Variants in FREM1 observed in about 807,000 individuals in gnomAD.
FREM1 encodes the protein FRAS1-related extracellular matrix protein 1.
A neutral mutation model predicts 210.1 loss-of-function variants in FREM1; 220 were observed. The ratio of observed to expected loss-of-function variants is 1.05; its 90% confidence interval spans 0.94 to 1.17. The LOEUF is 1.17. FREM1 is among the 50% of genes most tolerant of loss of function. The pLI is 0.00. For missense variants in FREM1, 3,454 were observed against 2,675.5 expected, an observed-to-expected ratio of 1.29 and a Z score of -6.42; for synonymous variants, 1,189 against 980.2, an observed-to-expected ratio of 1.21 and a Z score of -3.98.
chr9:14,805,183 A>C, intron 18 of FREM1, 31 bp from the exon 19 acceptor site: 1 of 1,237,614 alleles, frequency 8.1e-7, no homozygotes, highest in South Asian at 2.3e-5. Flanking sequence ...ACAGATAAAT[A>C]AAAAAAAAAT....
At chr9:14,873,077 C>T (rs1430359086) in intron 1 of FREM1, among the ~76,000 whole-genome samples, 4 of 152,078 alleles carry the variant, frequency 2.6e-5, no homozygotes, top group Non-Finnish European at 5.9e-5. Context: ...TTGCCAGTAT[C>T]TTATTGAGGA....
In FREM1 at chr9:14,784,467, C is replaced by A; in HGVS notation, c.4345G>T (p.Gly1449Ter). 1 of 1,613,854 alleles carries A rather than the reference C, an allele frequency of 6.2e-7. No individual in the cohort carries two copies. The highest frequency in any genetic ancestry group is 8.5e-7 in the Non-Finnish European group (1 of 1,179,844). Residue 1449 changes from glycine to a stop codon, truncating the protein, a stop_gained, in exon 24 of 37, where the codon GGA becomes TGA. Transcript: ENST00000380880. LOFTEE classifies it high-confidence loss of function. ...YGQIEYVHYP[G>*]VPITNFSQMD... ...TGGCTGAAGTTTGTAATGGGAACTCCAGGATAGTGAACATATTCGATCTGG... is the reference window on the plus strand; with the variant it reads ...TGGCTGAAGTTTGTAATGGGAACTCAAGGATAGTGAACATATTCGATCTGG...
chr9:14,797,461 A>G (rs1175934204), intron 21 of FREM1, 37 bp downstream of exon 21: 2 of 1,552,526 alleles, frequency 1.3e-6, no homozygotes, highest in Non-Finnish European at 1.8e-6. Context: ...ATAGAATTGT[A>G]TAGAAATCTG....
intron 36 of FREM1, among the ~76,000 whole-genome samples, chr9:14,739,463 T>TATATATATATATATAAAATTC (rs58425457): frequency 7.2e-6 from 1 of 138,326 alleles, no homozygotes; most frequent in Admixed American, 7.4e-5. Context: ...TATATATATA[T>TATATATATATATATAAAATTC]ATATATATAT....
At chr9:14,861,284 T>TAC (rs1428347396) in intron 3 of FREM1, among the ~76,000 whole-genome samples, 3,058 of 85,228 alleles carry the variant, frequency 0.036, 522 homozygotes, top group African/African-American at 0.17. Flanking sequence ...TATACATATA[T>TAC]ACATATATAC....
chr9:14,835,626 C>T (rs1387644696), intron 10 of FREM1, among the ~76,000 whole-genome samples: 1 of 152,120 alleles, frequency 6.6e-6, no homozygotes, highest in African/African-American at 2.4e-5. Flanking sequence ...AAAGGATCAC[C>T]CAACTCACAG....
intron 2 of FREM1, among the ~76,000 whole-genome samples, chr9:14,865,337 A>G (rs1213218078): frequency 1.3e-5 from 2 of 152,240 alleles, no homozygotes; most frequent in African/African-American, 4.8e-5. Context: ...GTCCTAAAAC[A>G]TGAGGAAAAC....
intron 14 of FREM1, 120 bp downstream of exon 14, chr9:14,819,114 T>G (rs1820817890): frequency 3.3e-6 from 2 of 613,256 alleles, no homozygotes. Flanking sequence ...TTGAGTGTGT[T>G]AAGTGGCATG....
chr9:14,898,747 C>G (rs1838229950), intron 1 of FREM1, among the ~76,000 whole-genome samples: 1 of 152,072 alleles, frequency 6.6e-6, no homozygotes, highest in African/African-American at 2.4e-5. Flanking sequence ...CAAAACAAAA[C>G]AAAAACAAAA....
At position 14,869,039 on chromosome 9, in the gene FREM1, T is replaced by C; in HGVS notation, c.-62A>G. 1 of 1,190,652 alleles carries C rather than the reference T, an allele frequency of 8.4e-7. No homozygotes were observed. The highest frequency in any genetic ancestry group is 1.5e-5 in the South Asian group (1 of 67,024). 73.8% of individuals were successfully genotyped at this position (1,190,652 alleles called of 1,614,324 possible). On this transcript the variant is annotated 5_prime_UTR_variant, in exon 2 of 37. Coordinates refer to ENST00000380880, the MANE Select transcript of FREM1 (RefSeq NM_001379081.2). The stretch of plus-strand genomic sequence containing the variant: ...AATCCCTTTAACAAAGGAGGGCTTC[T>C]GTGCTTCCTCCTGGAGGGTCAGCTC...
chr9:14,848,244 C>A (rs528684505), intron 7 of FREM1, among the ~76,000 whole-genome samples: 1 of 152,294 alleles, frequency 6.6e-6, no homozygotes, highest in South Asian at 2.1e-4. Context: ...AGTTAAAGCT[C>A]TTATTTACAT....
chr9:14,820,581 C>T (rs1174731215), intron 13 of FREM1, among the ~76,000 whole-genome samples: 1 of 152,144 alleles, frequency 6.6e-6, no homozygotes. Flanking sequence ...TTCTGGACAC[C>T]ACGGCACAGT....
Position 14,808,096 on chromosome 9 carries a change from T to C in FREM1, c.2932A>G (p.Thr978Ala). The change falls in exon 17 of 37, where the codon ACA becomes GCA. Residue 978 changes from threonine to alanine, a missense_variant. Physicochemically the swap from Thr to Ala is moderately conservative, Grantham distance 58. Coordinates refer to ENST00000380880, the MANE Select transcript of FREM1 (RefSeq NM_001379081.2). ...IGLMPCFDTI[T>A]LVVSDGEAGP... ...GCCTCTCCATCCGAAACCACCAATG[T>C]AATGGTGTCAAAACAAGGCATCAGG... The C allele has an allele frequency of 6.2e-7, 1 of 1,612,586 alleles. No individual in the cohort carries two copies. The highest frequency in any genetic ancestry group is 1.1e-5 in the South Asian group (1 of 90,764).
chr9:14,809,356 C>T (rs372994495), intron 16 of FREM1, among the ~76,000 whole-genome samples: 1 of 152,106 alleles, frequency 6.6e-6, no homozygotes, highest in East Asian at 1.9e-4. Flanking sequence ...GGAATTAATG[C>T]TTGGAGTTTT....
chr9:14,830,657 G>C (rs1347904058), intron 10 of FREM1, among the ~76,000 whole-genome samples: 2 of 152,146 alleles, frequency 1.3e-5, no homozygotes, highest in East Asian at 1.9e-4. Context: ...CTCTGTTTCT[G>C]TATGGGGGAG....
chr9:14,757,097 A>G (rs1460759867), intron 28 of FREM1, among the ~76,000 whole-genome samples: 1 of 152,206 alleles, frequency 6.6e-6, no homozygotes, highest in East Asian at 1.9e-4. Context: ...CCCGTCAGGT[A>G]GGTGTTTTAA....
At chr9:14,821,797 G>A (rs991266819) in intron 13 of FREM1, among the ~76,000 whole-genome samples, 18 of 152,312 alleles carry the variant, frequency 1.2e-4, no homozygotes, top group African/African-American at 2.4e-4. Flanking sequence ...TAGGGTGTGC[G>A]GGTTAAATTT....
intron 25 of FREM1, among the ~76,000 whole-genome samples, chr9:14,772,445 G>A (rs1847739681): frequency 1.3e-5 from 2 of 152,098 alleles, no homozygotes; most frequent in South Asian, 4.1e-4. Flanking sequence ...AACACATGAA[G>A]ATGGAAACAG....
chr9:14,886,955 TA>T (rs1835932134), intron 1 of FREM1, among the ~76,000 whole-genome samples: 1 of 151,680 alleles, frequency 6.6e-6, no homozygotes, highest in South Asian at 2.1e-4. Context: ...TGTATTTTTT[TA>T]AATCATCAAA....
Sources: allele counts gnomAD v4.1 joint callset (sites outside exome capture counted in the v4.1 genomes callset), GRCh38; gene constraint gnomAD v4.1.1; transcripts MANE v1.5; gene names NCBI Gene and HGNC (gene_info 2026-07-23, HGNC 2026-07-21).